EFR3B: variants seen among roughly 807,000 people sequenced by gnomAD.
EFR3B encodes EFR3 homolog B.
Under a neutral mutation model 104.7 loss-of-function variants are expected in EFR3B, and 64 were observed. That is an observed-to-expected ratio of 0.61 (90% CI 0.50 to 0.75). The LOEUF (loss-of-function observed/expected upper bound fraction) is 0.75. Among genes scored for constraint, EFR3B ranks in the 30% least tolerant of loss-of-function variants. The probability of loss-of-function intolerance (pLI) is 0.00; values close to 1 mark genes in which losing one functional copy is unlikely to be tolerated. For synonymous variants in EFR3B, 385 were observed against 417.9 expected, an observed-to-expected ratio of 0.92 and a Z score of 0.96; for missense variants, 750 against 1,078.5, an observed-to-expected ratio of 0.70 and a Z score of 4.27.
chr2:25,133,714 C>CT (rs983926173), intron 12 of EFR3B, among the ~76,000 whole-genome samples: 11 of 152,336 alleles, frequency 7.2e-5, no homozygotes, highest in Admixed American at 5.9e-4. Flanking sequence ...CGTGATCTGT[C>CT]TTGAGACGGA....
chr2:25,136,792 T>A lies in EFR3B; in HGVS notation c.1560+194T>A, dbSNP rs1377139071. On this transcript the variant is annotated intron_variant, in intron 14 of 22. Transcript: ENST00000403714. This position sits in a 1 kb window ranked among gnomAD's most constrained non-coding sequence, Gnocchi z 4.0. ...TTAACCGGGCATGGTGGTGGGCACC[T>A]GCAATCCCAGCTACTCGGGAGGCTG... Among the ~76,000 whole-genome samples the A allele has an allele frequency of 6.6e-6, 1 of 152,210 alleles. No individual in the cohort carries two copies.
chr2:25,142,105 C>T (rs1670684493), intron 17 of EFR3B, among the ~76,000 whole-genome samples: 1 of 152,078 alleles, frequency 6.6e-6, no homozygotes, highest in South Asian at 2.1e-4. Context: ...TCGAGACAAC[C>T]ATGGGCCGCA....
intron 1 of EFR3B, among the ~76,000 whole-genome samples, chr2:25,070,032 A>G (rs752537036): frequency 5.8e-4 from 89 of 152,254 alleles, no homozygotes; most frequent in Non-Finnish European, 1.1e-3. Flanking sequence ...GTCATTGATT[A>G]TTCATCAGGT....
rs1278827940 is a variant in EFR3B at position 25,121,745 on chromosome 2, T to G, written c.436T>G (p.Phe146Val). The G allele has an allele frequency of 6.4e-7, 1 of 1,551,734 alleles. No homozygotes were observed. Among genetic ancestry groups the G allele is most frequent in the Non-Finnish European group, 8.7e-7 (1 of 1,147,004 alleles). ...GAGCTATGACTTCTTTGTGTCCCGA[T>G]TCAGTGAAATGTGCCACTCGAGCCA... ...HRSYDFFVSR[F>V]SEMCHSSHDD... Residue 146 changes from phenylalanine to valine, a missense_variant, in exon 5 of 23, where the codon TTC (phenylalanine) becomes GTC (valine). Physicochemically the swap from Phe to Val is conservative, Grantham distance 50. Coordinates refer to ENST00000403714, the MANE Select transcript of EFR3B (RefSeq NM_014971.2).
At chr2:25,087,695 A>G (rs1258274699) in intron 1 of EFR3B, among the ~76,000 whole-genome samples, 3 of 151,874 alleles carry the variant, frequency 2.0e-5, no homozygotes, top group Non-Finnish European at 4.4e-5. Context: ...CTGGTCTCGA[A>G]CTCCTGACCT....
At chr2:25,133,986 A>C (rs1157268193) in intron 12 of EFR3B, among the ~76,000 whole-genome samples, 3 of 152,152 alleles carry the variant, frequency 2.0e-5, no homozygotes, top group African/African-American at 7.2e-5. Context: ...TTAAGCTGTT[A>C]GCCTGAGTGA....
At chr2:25,081,491 C>T in intron 1 of EFR3B, 1 of 1,428,900 alleles carries the variant, frequency 7.0e-7, no homozygotes, top group South Asian at 1.2e-5. Flanking sequence ...GAGACACCAG[C>T]TTCTTGCAAT....
chr2:25,042,424 C>T lies in EFR3B; in HGVS notation c.7+105C>T. ...GCACGGCCCTGGCGCGGGGCCAGGC[C>T]GCTGACCTGGTGCCCGGCGGGGCTG... On this transcript the variant is annotated intron_variant, in intron 1 of 22. Transcript: ENST00000403714. This position sits in a 1 kb window ranked among gnomAD's most constrained non-coding sequence, Gnocchi z 5.4. 4 of 1,217,984 alleles carry T rather than the reference C, an allele frequency of 3.3e-6. No homozygotes were observed. The highest frequency in any genetic ancestry group is 4.1e-6 in the Non-Finnish European group (4 of 978,896). The allele number at this position is 1,217,984 out of a possible 1,614,324, so 75.4% of individuals were successfully genotyped here.
At chr2:25,074,218 G>GGCCC (rs1668572617) in intron 1 of EFR3B, among the ~76,000 whole-genome samples, 1 of 152,124 alleles carries the variant, frequency 6.6e-6, no homozygotes, top group Non-Finnish European at 1.5e-5. Context: ...GTGCCTCCAT[G>GGCCC]GCCCATCAGA....
chr2:25,150,838 T>G (rs1416654518), intron 20 of EFR3B, among the ~76,000 whole-genome samples: 1 of 152,170 alleles, frequency 6.6e-6, no homozygotes, highest in Non-Finnish European at 1.5e-5. Flanking sequence ...CTCGAACTCC[T>G]GACCTTAGGC....
At position 25,157,054 on chromosome 2, in the gene EFR3B, G is replaced by GC. The variant is rs1558625290; in HGVS notation, c.*2718dup. 1 of 152,200 alleles carries GC rather than the reference G, an allele frequency of 6.6e-6. No homozygotes were observed. The highest frequency in any genetic ancestry group is 1.5e-5 in the Non-Finnish European group (1 of 68,048). The allele number at this position is 152,200 out of a possible 1,614,324, so 9.4% of individuals were successfully genotyped here. On this transcript the variant is annotated 3_prime_UTR_variant, in exon 23 of 23. Transcript: ENST00000403714. ...GAACCTGAGATCCCCAGATGTTTCTGCCCCTCATCCCCATCCTGTGAATAG... is the reference window on the plus strand; with the variant it reads ...GAACCTGAGATCCCCAGATGTTTCTGCCCCCTCATCCCCATCCTGTGAATAG...
At chr2:25,094,282 C>CAAAAAAAAAA (rs11455802) in intron 3 of EFR3B, among the ~76,000 whole-genome samples, 52 of 91,286 alleles carry the variant, frequency 5.7e-4, no homozygotes, top group Non-Finnish European at 8.1e-4. Context: ...GAGACTGTCT[C>CAAAAAAAAAA]AAAAAAAAAA....
intron 12 of EFR3B, among the ~76,000 whole-genome samples, chr2:25,134,351 G>A (rs961789227): frequency 2.0e-5 from 3 of 151,988 alleles, no homozygotes; most frequent in Non-Finnish European, 4.4e-5. Flanking sequence ...TGTATTTTTA[G>A]TAGAGACGGT....
chr2:25,130,205 T>A lies in EFR3B; in HGVS notation c.770+96T>A, dbSNP rs1006259011. The stretch of plus-strand genomic sequence containing the variant: ...TGGCTGGCTGGGGGGAAGGGGATAT[T>A]ACAGTTGTGGTGCCGCAGCCGAGTC... On this transcript the variant is annotated intron_variant, in intron 7 of 22. Coordinates refer to ENST00000403714, the MANE Select transcript of EFR3B (RefSeq NM_014971.2). This position sits in a 1 kb window ranked among gnomAD's most constrained non-coding sequence, Gnocchi z 4.6. The A allele has an allele frequency of 8.1e-5, 123 of 1,511,322 alleles. No individual in the cohort carries two copies. Among genetic ancestry groups the A allele is most frequent in the Non-Finnish European group, 1.4e-5 (16 of 1,119,090 alleles). The allele number at this position is 1,511,322 out of a possible 1,614,324, so 93.6% of individuals were successfully genotyped here.
Position 25,135,540 on chromosome 2 carries a change from C to T in EFR3B, c.1385C>T (p.Thr462Ile). 1.3e-6 allele frequency: 2 copies of T among 1,551,952 alleles called. No homozygotes were observed. The highest frequency in any genetic ancestry group is 1.7e-6 in the Non-Finnish European group (2 of 1,147,042). Residue 462 changes from threonine (T) to isoleucine (I), a missense_variant, in exon 13 of 23, where the codon ACC becomes ATC. Thr to Ile is a moderately conservative substitution (Grantham distance 89). Coordinates refer to ENST00000403714, the MANE Select transcript of EFR3B (RefSeq NM_014971.2). Reference protein sequence around the residue: ...PSNFLDRLLSTALMEDAEIRL... With the variant: ...PSNFLDRLLSIALMEDAEIRL... ...AACTTCCTGGACCGCCTTCTCTCCA[C>T]CGCCCTCATGGAGGATGCAGAAATT... is the stretch of plus-strand genomic sequence containing the variant.
chr2:25,049,594 A>G (rs1360397608), intron 1 of EFR3B, among the ~76,000 whole-genome samples: 1 of 152,230 alleles, frequency 6.6e-6, no homozygotes, highest in Non-Finnish European at 1.5e-5. Context: ...AACCAGCAGT[A>G]TCTTGAAGTG....
At chr2:25,080,283 C>CTTTTGTTTTTTTT in intron 1 of EFR3B, 1 of 154,476 alleles carries the variant, frequency 6.5e-6, no homozygotes, top group Non-Finnish European at 1.1e-5. Context: ...CTCCCCAAAG[C>CTTTTGTTTTTTTT]TTTTTTTTTT....
At position 25,042,725 on chromosome 2, in the gene EFR3B, G is replaced by A. The variant is rs1667605390; in HGVS notation, c.7+406G>A. ...TCCAGGGCTGAGGGAGACGCCCGCG[G>A]CCGGTCGTCTGCGCGGCTCGGAGAA... On this transcript the variant is annotated intron_variant, in intron 1 of 22. Transcript: ENST00000403714. The surrounding 1 kb of genome is among the most constrained non-coding windows in gnomAD (Gnocchi z 5.4). 4.0e-6 allele frequency: 4 copies of A among 989,718 alleles called. No individual in the cohort carries two copies. Among genetic ancestry groups the A allele is most frequent in the Non-Finnish European group, 1.2e-6 (1 of 831,472 alleles). 61.3% of individuals were successfully genotyped at this position (989,718 alleles called of 1,614,324 possible).
In EFR3B at chr2:25,131,955, G is replaced by A. The variant is rs1670351980; in HGVS notation, c.1147+44G>A. On this transcript the variant is annotated intron_variant, in intron 10 of 22. Coordinates refer to ENST00000403714, the MANE Select transcript of EFR3B (RefSeq NM_014971.2). This position sits in a 1 kb window ranked among gnomAD's most constrained non-coding sequence, Gnocchi z 7.6. The stretch of plus-strand genomic sequence containing the variant: ...CCGGGGCGGGGCGGGGCCGAGGCGC[G>A]GAGTGGGGAGGGGAGGGGAGGGACG... 2.2e-6 allele frequency: 3 copies of A among 1,357,498 alleles called. No individual in the cohort carries two copies. The highest frequency in any genetic ancestry group is 2.9e-6 in the Non-Finnish European group (3 of 1,044,850). The allele number at this position is 1,357,498 out of a possible 1,614,324, so 84.1% of individuals were successfully genotyped here. A position where few individuals can be genotyped will look rare whatever the true frequency, so the allele number is the denominator to read the frequency against.
Sources: gnomAD v4.1 joint callset for allele counts (sites outside exome capture counted in the v4.1 genomes callset) on GRCh38, gnomAD v4.1.1 for gene constraint, Gnocchi (gnomAD v3.1) non-coding constraint, MANE v1.5 for transcripts, NCBI Gene and HGNC (gene_info 2026-07-23, HGNC 2026-07-21) for gene names.